Variants in PHC2 observed in about 807,000 individuals in gnomAD.
PHC2 encodes the protein polyhomeotic-like protein 2.
Under a neutral mutation model 87.4 loss-of-function variants are expected in PHC2, and 29 were observed. The observed-to-expected ratio is 0.33, with a 90% CI of 0.25 to 0.45. The LOEUF is 0.45. Among genes scored for constraint, PHC2 ranks in the 20% least tolerant of loss-of-function variants. The pLI is 1.00. For missense variants in PHC2, 857 were observed against 1,136.7 expected (o/e 0.75, Z 3.54); for synonymous variants, 438 against 461.7 (o/e 0.95, Z 0.66).
At chr1:33,419,154 T>A (rs959877404) in intron 1 of PHC2, among the ~76,000 whole-genome samples, 4 of 152,258 alleles carry the variant, frequency 2.6e-5, no homozygotes, top group African/African-American at 9.6e-5. Flanking sequence ...GCCTGGCACA[T>A]AGTAAAGACT....
Position 33,338,341 on chromosome 1 carries a change from C to G in PHC2, c.1559-4049G>C, listed in dbSNP as rs1646679982. ...AGAACACACTAAAAAACTCTTGCAC[C>G]ACATTAGAAACTACCACTCCCCATT... On this transcript the variant is annotated intron_variant, in intron 9 of 14. Transcript: ENST00000683057. 2.0e-5 allele frequency among the ~76,000 whole-genome samples: 3 copies of G among 152,166 alleles called. No individual in the cohort carries two copies. In the South Asian group the frequency reaches 6.2e-4, roughly 32 times the overall value.
intron 1 of PHC2, among the ~76,000 whole-genome samples, chr1:33,404,519 CTCT>C (rs1402535552): frequency 6.6e-6 from 1 of 152,116 alleles, no homozygotes; most frequent in African/African-American, 2.4e-5. Flanking sequence ...ATTTTCTTGT[CTCT>C]TCTTTCCACT....
At position 33,349,678 on chromosome 1, in the gene PHC2, C is replaced by T. The variant is rs1646922134; in HGVS notation, c.1558+4723G>A. 3.0e-6 allele frequency: 3 copies of T among 984,138 alleles called. No individual in the cohort carries two copies. Among genetic ancestry groups the T allele is most frequent in the East Asian group, 2.3e-4 (2 of 8,790 alleles). 61.0% of individuals were successfully genotyped at this position (984,138 alleles called of 1,614,324 possible). A position where few individuals can be genotyped will look rare whatever the true frequency, so the allele number is the denominator to read the frequency against. On this transcript the variant is annotated intron_variant, in intron 9 of 14. Coordinates refer to ENST00000683057, the MANE Select transcript of PHC2 (RefSeq NM_001385109.1). This position sits in a 1 kb window ranked among gnomAD's most constrained non-coding sequence, Gnocchi z 4.2. ...GCGCCGACTCGCGCGGGGTCCCGGGCCCGGGCGGGCCGCCTCCTCTCCGCC... is the reference window on the plus strand; with the variant it reads ...GCGCCGACTCGCGCGGGGTCCCGGGTCCGGGCGGGCCGCCTCCTCTCCGCC...
chr1:33,328,220 C>T (rs1276938513), intron 14 of PHC2, among the ~76,000 whole-genome samples: 1 of 152,142 alleles, frequency 6.6e-6, no homozygotes, highest in Non-Finnish European at 1.5e-5. Flanking sequence ...GCCTCACCAC[C>T]ACTTGTGCTC....
chr1:33,422,167 C>T (rs1026184873), intron 1 of PHC2, among the ~76,000 whole-genome samples: 2 of 152,166 alleles, frequency 1.3e-5, no homozygotes, highest in African/African-American at 4.8e-5. Flanking sequence ...CTTCCTCTTA[C>T]CCTGTCACTT....
intron 1 of PHC2, among the ~76,000 whole-genome samples, chr1:33,420,451 T>C (rs1570516310): frequency 1.3e-5 from 2 of 152,050 alleles, no homozygotes; most frequent in South Asian, 2.1e-4. Context: ...TAAAGGAAGA[T>C]TGAAAAAAAT....
Position 33,334,765 on chromosome 1 carries a change from G to C in PHC2, c.1559-473C>G, listed in dbSNP as rs1217412377. On this transcript the variant is annotated intron_variant, in intron 9 of 14. Transcript: ENST00000683057. This position sits in a 1 kb window ranked among gnomAD's most constrained non-coding sequence, Gnocchi z 5.5. ...AGCTTCTACGAGGTTCCTTAGAGGA[G>C]GGATTTTAAGAGCCCTGTGAAATGT... 6.6e-6 allele frequency among the ~76,000 whole-genome samples: 1 copy of C among 152,224 alleles called. No individual in the cohort carries two copies. Among genetic ancestry groups the C allele is most frequent in the Non-Finnish European group, 1.5e-5 (1 of 68,042 alleles).
rs1557839436 is a variant in PHC2 at position 33,375,435 on chromosome 1, ACCACTGCTGCTGTTGTTGCAG to A, written c.84_104del (p.Cys29_Gly35del). ...GGGGCCCGGTGGGGCGGCCACTTCC[ACCACTGCTGCTGTTGTTGCAG>A]CCACTGCTGCTACTGGCCCCGCTGG... On this transcript the variant is annotated inframe_deletion, in exon 2 of 15. Transcript: ENST00000683057. The A allele has an allele frequency of 6.2e-7, 1 of 1,612,092 alleles. No homozygotes were observed. Among genetic ancestry groups the A allele is most frequent in the Admixed American group, 1.7e-5 (1 of 59,734 alleles).
At chr1:33,351,332 G>A (rs1041718260) in intron 9 of PHC2, among the ~76,000 whole-genome samples, 10 of 152,080 alleles carry the variant, frequency 6.6e-5, no homozygotes, top group East Asian at 3.8e-4. Context: ...ATTAGCTTGC[G>A]AGCTGTACGA....
In PHC2 at chr1:33,331,599, G is replaced by T. The variant is rs1646499138; in HGVS notation, c.1892-137C>A. The T allele has an allele frequency of 5.0e-6, 3 of 605,422 alleles. No homozygotes were observed. The highest frequency in any genetic ancestry group is 2.1e-5 in the South Asian group (1 of 47,528). The allele number at this position is 605,422 out of a possible 1,614,324, so 37.5% of individuals were successfully genotyped here. A position where few individuals can be genotyped will look rare whatever the true frequency, so the allele number is the denominator to read the frequency against. ...AGCTGTGACATACAGCAGCATTCTA[G>T]CATGGAAAATGCCAGTGGTTCTCAC... On this transcript the variant is annotated intron_variant, in intron 11 of 14. Coordinates refer to ENST00000683057, the MANE Select transcript of PHC2 (RefSeq NM_001385109.1). This position sits in a 1 kb window ranked among gnomAD's most constrained non-coding sequence, Gnocchi z 5.2.
At chr1:33,393,835 T>C (rs1649183225) in intron 1 of PHC2, among the ~76,000 whole-genome samples, 1 of 113,676 alleles carries the variant, frequency 8.8e-6, no homozygotes, top group East Asian at 2.7e-4. Flanking sequence ...AAAATCCCTA[T>C]CCTACTGATT....
chr1:33,422,457 TG>T lies in PHC2; in HGVS notation c.-55+8518del, dbSNP rs1650469008. The stretch of plus-strand genomic sequence containing the variant: ...CAAAGACAGAAGGATACTAAAAGGA[TG>T]GGCAAGCCCATCCCTGTAATCAGAA... On this transcript the variant is annotated intron_variant, in intron 1 of 14. Transcript: ENST00000683057. Among the ~76,000 whole-genome samples, 4 of 152,300 alleles carry T rather than the reference TG, an allele frequency of 2.6e-5. No individual in the cohort carries two copies. The South Asian group carries it at 8.3e-4, about 32-fold the overall frequency.
chr1:33,356,253 ATATATATATATATATATATATATG>A lies in PHC2; in HGVS notation c.977-1024_977-1001del, dbSNP rs1162205091. ...GACTCTTTGAGGTGAAAATTCTTAT[ATATATATATATATATATATATATG>A]TATATATATATATATATTTATTTAT... On this transcript the variant is annotated intron_variant, in intron 7 of 14. Transcript: ENST00000683057. Among the ~76,000 whole-genome samples the A allele has an allele frequency of 9.9e-3, 501 of 50,678 alleles. 8 individuals carry two copies. Among genetic ancestry groups the A allele is most frequent in the African/African-American group, 0.034 (475 of 13,898 alleles). 33.2% of individuals were successfully genotyped at this position (50,678 alleles called of 152,430 possible). A position where few individuals can be genotyped will look rare whatever the true frequency, so the allele number is the denominator to read the frequency against.
At chr1:33,380,512 T>C (rs1648442741) in intron 1 of PHC2, among the ~76,000 whole-genome samples, 1 of 152,246 alleles carries the variant, frequency 6.6e-6, no homozygotes, top group African/African-American at 2.4e-5. Flanking sequence ...AGAATTTCTT[T>C]CCCTTTGATA....
chr1:33,338,885 G>A (rs1294236615), intron 9 of PHC2, among the ~76,000 whole-genome samples: 1 of 152,160 alleles, frequency 6.6e-6, no homozygotes, highest in Non-Finnish European at 1.5e-5. Context: ...TGGGGGAAGG[G>A]GGAGGTAAAA....
chr1:33,406,033 C>T (rs1649749145), intron 1 of PHC2, among the ~76,000 whole-genome samples: 1 of 146,866 alleles, frequency 6.8e-6, no homozygotes, highest in Admixed American at 6.6e-5. Context: ...TCAAATCTTA[C>T]ATATTCTTAC....
At chr1:33,347,840 G>C (rs1473964034) in intron 9 of PHC2, 1 of 599,176 alleles carries the variant, frequency 1.7e-6, no homozygotes, top group Non-Finnish European at 2.1e-6. Context: ...TGCGAAACAA[G>C]CCCGCCCTTG....
chr1:33,335,002 A>T (rs1646592669), intron 9 of PHC2, among the ~76,000 whole-genome samples: 1 of 152,184 alleles, frequency 6.6e-6, no homozygotes, highest in Admixed American at 6.5e-5. Flanking sequence ...TCTCAAAATC[A>T]GTCCTCATGC....
At chr1:33,361,320 A>C (rs1647189353) in intron 7 of PHC2, among the ~76,000 whole-genome samples, 1 of 152,200 alleles carries the variant, frequency 6.6e-6, no homozygotes, top group South Asian at 2.1e-4. Flanking sequence ...CAAGGAGGAC[A>C]TAAAGACACA....
Sources: allele counts gnomAD v4.1 joint callset (sites outside exome capture counted in the v4.1 genomes callset), GRCh38; gene constraint gnomAD v4.1.1; non-coding constraint Gnocchi (gnomAD v3.1); transcripts MANE v1.5; gene names NCBI Gene and HGNC (gene_info 2026-07-23, HGNC 2026-07-21).